ZNF704: variants seen among roughly 807,000 people sequenced by gnomAD.
ZNF704 encodes glucocorticoid induced gene 1.
In ZNF704, 10 loss-of-function variants were observed where a neutral mutation model predicts 44.7. That is an observed-to-expected ratio of 0.22 (90% CI 0.14 to 0.38). ZNF704 has a LOEUF of 0.38. Among genes scored for constraint, ZNF704 ranks in the 10% least tolerant of loss-of-function variants. The pLI, the probability that ZNF704 is intolerant of heterozygous loss-of-function variation, is 1.00. For synonymous variants in ZNF704, 211 were observed against 207.6 expected (o/e 1.02, Z -0.14); for missense variants, 390 against 545.5 (o/e 0.71, Z 2.84).
chr8:80,743,191 C>CAAAA lies in ZNF704; in HGVS notation c.222-50088_222-50085dup, dbSNP rs59886049. Among the ~76,000 whole-genome samples the CAAAA allele has an allele frequency of 5.8e-3, 206 of 35,750 alleles. 8 individuals carry two copies. Among genetic ancestry groups the CAAAA allele is most frequent in the African/African-American group, 0.016 (155 of 9,830 alleles). The allele number at this position is 35,750 out of a possible 152,430, so 23.5% of individuals were successfully genotyped here. On this transcript the variant is annotated intron_variant, in intron 2 of 8. Coordinates refer to ENST00000327835, the MANE Select transcript of ZNF704 (RefSeq NM_001033723.3). ...TTCACTCTATTACATCTTGCAACTGCAAAAAAAAAAAAAAAAAAAAAAAAA... is the reference window on the plus strand; with the variant it reads ...TTCACTCTATTACATCTTGCAACTGCAAAAAAAAAAAAAAAAAAAAAAAAAAAAA...
chr8:80,757,066 T>G (rs1807048176), intron 2 of ZNF704, among the ~76,000 whole-genome samples: 1 of 152,238 alleles, frequency 6.6e-6, no homozygotes, highest in African/African-American at 2.4e-5. Flanking sequence ...ACTGTACTTT[T>G]TATTGTTGTT....
chr8:80,807,513 A>C (rs556708217), intron 2 of ZNF704, among the ~76,000 whole-genome samples: 21 of 151,976 alleles, frequency 1.4e-4, no homozygotes, highest in African/African-American at 4.6e-4. Flanking sequence ...GTGGGTACCC[A>C]ATAAACATTT....
intron 4 of ZNF704, among the ~76,000 whole-genome samples, chr8:80,687,016 C>G (rs1229423075): frequency 6.6e-6 from 1 of 152,146 alleles, no homozygotes; most frequent in Non-Finnish European, 1.5e-5. Flanking sequence ...GTGTATATAC[C>G]TTCAGGAAAC....
chr8:80,700,443 C>T (rs1406793795), intron 2 of ZNF704, among the ~76,000 whole-genome samples: 1 of 152,158 alleles, frequency 6.6e-6, no homozygotes, highest in Non-Finnish European at 1.5e-5. Context: ...ATAATACAGA[C>T]CTTAGAGGGT....
intron 2 of ZNF704, among the ~76,000 whole-genome samples, chr8:80,781,880 C>T (rs184128588): frequency 1.3e-5 from 2 of 152,286 alleles, no homozygotes; most frequent in East Asian, 3.9e-4. Flanking sequence ...AGTTTAATTC[C>T]ACCGTTTTTC....
In ZNF704 at chr8:80,849,397, G is replaced by A. The variant is rs149766905; in HGVS notation, c.-22+25174C>T. ...TGTTACCTTTCCCCACCCTCCTCAC[G>A]GCAAGCACAGCAACAGAAAACATCC... On this transcript the variant is annotated intron_variant, in intron 1 of 8. Coordinates refer to ENST00000327835, the MANE Select transcript of ZNF704 (RefSeq NM_001033723.3). Among the ~76,000 whole-genome samples, 931 of 152,164 alleles carry A rather than the reference G, an allele frequency of 6.1e-3. 24 individuals carry two copies. The highest frequency in any genetic ancestry group is 0.049 in the Admixed American group (743 of 15,262).
chr8:80,736,405 G>A (rs1312746880), intron 2 of ZNF704, among the ~76,000 whole-genome samples: 9 of 152,088 alleles, frequency 5.9e-5, no homozygotes, highest in South Asian at 2.1e-4. Context: ...TCAGCCTCCC[G>A]AGTAGCTGGG....
At chr8:80,738,335 G>T (rs1405690296) in intron 2 of ZNF704, among the ~76,000 whole-genome samples, 2 of 152,164 alleles carry the variant, frequency 1.3e-5, no homozygotes, top group Non-Finnish European at 2.9e-5. Flanking sequence ...ACCTCCTGGA[G>T]AAGAAGTATC....
chr8:80,764,381 G>A (rs932461048), intron 2 of ZNF704, among the ~76,000 whole-genome samples: 16 of 152,178 alleles, frequency 1.1e-4, no homozygotes, highest in Admixed American at 3.3e-4. Flanking sequence ...AGAGAGAGAA[G>A]TGCCAGCAGG....
At position 80,797,818 on chromosome 8, in the gene ZNF704, GA is replaced by G. The variant is rs961632325; in HGVS notation, c.221+23555del. ...ACTGATCTCCTCAGTAAAGGTCACT[GA>G]AAAAAAAAGCACGTTCTCCTGAACA... On this transcript the variant is annotated intron_variant, in intron 2 of 8. Transcript: ENST00000327835. Among the ~76,000 whole-genome samples the G allele has an allele frequency of 2.0e-3, 301 of 150,586 alleles. 1 individual carries two copies. The highest frequency in any genetic ancestry group is 7.1e-3 in the African/African-American group (290 of 41,068).
chr8:80,754,624 C>A (rs1474703149), intron 2 of ZNF704, among the ~76,000 whole-genome samples: 1 of 152,124 alleles, frequency 6.6e-6, no homozygotes, highest in African/African-American at 2.4e-5. Context: ...TGCTGCCAAA[C>A]AAAAAACCAT....
At chr8:80,740,134 T>C (rs1186683857) in intron 2 of ZNF704, among the ~76,000 whole-genome samples, 1 of 152,082 alleles carries the variant, frequency 6.6e-6, no homozygotes, top group East Asian at 1.9e-4. Flanking sequence ...ACTAGATACT[T>C]CTCCCAGCCA....
intron 2 of ZNF704, among the ~76,000 whole-genome samples, chr8:80,719,450 C>A (rs1311266890): frequency 2.0e-5 from 3 of 152,280 alleles, no homozygotes; most frequent in Middle Eastern, 3.4e-3. Flanking sequence ...GTAACAATAA[C>A]TACTATTAGT....
At chr8:80,818,225 G>A (rs952875705) in intron 2 of ZNF704, among the ~76,000 whole-genome samples, 1 of 152,134 alleles carries the variant, frequency 6.6e-6, no homozygotes, top group Admixed American at 6.5e-5. Context: ...ATAAGCAAAA[G>A]ATAAAGTGAG....
intron 1 of ZNF704, among the ~76,000 whole-genome samples, chr8:80,824,770 C>T (rs183612926): frequency 6.6e-6 from 1 of 152,248 alleles, no homozygotes; most frequent in East Asian, 1.9e-4. Context: ...AGCCAATATC[C>T]AACATTGTTA....
intron 2 of ZNF704, among the ~76,000 whole-genome samples, chr8:80,798,231 C>G (rs973150064): frequency 6.6e-6 from 1 of 151,890 alleles, no homozygotes; most frequent in East Asian, 1.9e-4. Flanking sequence ...CATCTGAAAC[C>G]TCATTGTAAT....
intron 3 of ZNF704, among the ~76,000 whole-genome samples, chr8:80,688,975 A>C (rs1818587814): frequency 1.3e-5 from 2 of 152,050 alleles, no homozygotes; most frequent in African/African-American, 4.8e-5. Context: ...AAAAAAAAAA[A>C]AAAAAGTCTT....
At chr8:80,760,396 A>G (rs111518253) in intron 2 of ZNF704, among the ~76,000 whole-genome samples, 25,626 of 152,030 alleles carry the variant, frequency 0.17, 4,252 homozygotes, top group African/African-American at 0.43. Flanking sequence ...GGTGGCTCAC[A>G]CCTGTAATCC....
At chr8:80,786,633 C>T (rs1212596958) in intron 2 of ZNF704, among the ~76,000 whole-genome samples, 1 of 152,086 alleles carries the variant, frequency 6.6e-6, no homozygotes, top group Admixed American at 6.5e-5. Flanking sequence ...AAACTGTGTA[C>T]AAATCAAAAC....
Sources: allele counts gnomAD v4.1 joint callset (sites outside exome capture counted in the v4.1 genomes callset), GRCh38; gene constraint gnomAD v4.1.1; transcripts MANE v1.5; gene names NCBI Gene and HGNC (gene_info 2026-07-23, HGNC 2026-07-21).